HMGCS2: variants seen among roughly 807,000 people sequenced by gnomAD.
The protein encoded by HMGCS2 is 3-hydroxy-3-methylglutaryl-CoA synthase 2, also known as hydroxymethylglutaryl-CoA synthase, mitochondrial.
A neutral mutation model predicts 57.4 loss-of-function variants in HMGCS2; 50 were observed. The ratio of observed to expected loss-of-function variants is 0.87; its 90% CI spans 0.69 to 1.10. The LOEUF (loss-of-function observed/expected upper bound fraction) is 1.10, where lower values mean the gene tolerates loss of function less well. Ranked by LOEUF, HMGCS2 falls within the 50% of genes least tolerant of loss-of-function variation. The pLI is 0.00. For missense variants in HMGCS2, 627 were observed against 636.5 expected, an observed-to-expected ratio of 0.99 and a Z score of 0.16; for synonymous variants, 254 against 245.1, an observed-to-expected ratio of 1.04 and a Z score of -0.34.
At chr1:119,764,030 G>T in intron 2 of HMGCS2, 142 bp downstream of exon 2, 1 of 720,550 alleles carries the variant, frequency 1.4e-6, no homozygotes, top group Non-Finnish European at 2.5e-6. Flanking sequence ...AGTGGTTATT[G>T]TGGGATGATA....
intron 6 of HMGCS2, 132 bp from the exon 7 acceptor site, chr1:119,753,518 T>C: frequency 1.5e-6 from 1 of 658,206 alleles, no homozygotes; most frequent in South Asian, 1.9e-5. Context: ...CTTCTCCCTG[T>C]CTACCTCATG....
rs369221781 is a variant in HMGCS2 at position 119,768,774 on chromosome 1, G to A, written c.71C>T (p.Thr24Ile). Residue 24 changes from threonine to isoleucine, a missense_variant, in exon 1 of 10, where the codon ACA becomes ATA. By Grantham distance (89) the Thr-to-Ile change is moderately conservative (BLOSUM62 -1). Transcript: ENST00000369406. Reference protein sequence around the residue: ...LTRAVQETSLTPARLLPVAHQ... With the variant: ...LTRAVQETSLIPARLLPVAHQ... ...GGCTACTGGGAGCAGGCGAGCAGGT[G>A]TGAGGGAGGTTTCCTGCACCGCTCT... is the stretch of plus-strand genomic sequence containing the variant. 174 of 1,613,958 alleles carry A rather than the reference G, an allele frequency of 1.1e-4. No individual in the cohort carries two copies. The highest frequency in any genetic ancestry group is 1.4e-4 in the Non-Finnish European group (163 of 1,179,940).
At chr1:119,759,514 G>T (rs1479914157) in intron 3 of HMGCS2, 8 of 593,786 alleles carry the variant, frequency 1.3e-5, no homozygotes, top group Non-Finnish European at 2.1e-5. Flanking sequence ...ACAAAACCTA[G>T]AATAGAAGCC....
Position 119,759,930 on chromosome 1 carries a change from G to A in HMGCS2, c.619C>T (p.Pro207Ser). The change falls in exon 3 of 10, where the codon CCC (proline) becomes TCC (serine). Residue 207 changes from proline (P) to serine (S), a missense_variant. Pro to Ser is a moderately conservative substitution (Grantham distance 74). Coordinates refer to ENST00000369406, the MANE Select transcript of HMGCS2 (RefSeq NM_005518.4). Reference sequence around the variant, plus strand: ...GCCACAGCTCCGGCCCCACCTGTGGGACGAGCATTACCACTGGGATAGACG... The same window carrying A: ...GCCACAGCTCCGGCCCCACCTGTGGAACGAGCATTACCACTGGGATAGACG... ...IAVYPSGNAR[P>S]TGGAGAVAML... is the part of the protein sequence containing the mutation. The A allele has an allele frequency of 6.2e-7, 1 of 1,614,110 alleles. No individual in the cohort carries two copies. The highest frequency in any genetic ancestry group is 8.5e-7 in the Non-Finnish European group (1 of 1,179,958).
chr1:119,749,404 C>T (rs1652573491), intron 9 of HMGCS2, among the ~76,000 whole-genome samples: 1 of 149,284 alleles, frequency 6.7e-6, no homozygotes, highest in Non-Finnish European at 1.5e-5. Context: ...CCCCTCCCTC[C>T]CTATTTCTCC....
In HMGCS2 at chr1:119,752,674, C is replaced by T. The variant is rs1446564405; in HGVS notation, c.1295G>A (p.Gly432Asp). The T allele has an allele frequency of 6.2e-7, 1 of 1,614,028 alleles. No individual in the cohort carries two copies. The highest frequency in any genetic ancestry group is 2.2e-5 in the East Asian group (1 of 44,886). Residue 432 changes from glycine to aspartate, a missense_variant and splice_region_variant, in exon 8 of 10, where the codon GGC becomes GAC. Transcript: ENST00000369406. Reference protein sequence around the residue: ...SFRVSQDAAPGSPLDKLVSST... With the variant: ...SFRVSQDAAPDSPLDKLVSST... ...GGACACCAACTTGTCCAGGGGAGAG[C>T]CTGGGAAGCAAAAGCAAGATTGTTA...
chr1:119,757,198 A>C (rs1398974834), intron 5 of HMGCS2, 75 bp downstream of exon 5: 1 of 1,610,702 alleles, frequency 6.2e-7, no homozygotes, highest in Non-Finnish European at 8.5e-7. Context: ...CTGGTGGTCT[A>C]GACTTAAGGC....
rs773806829 is a variant in HMGCS2, at chr1:119,759,264, A to T, written c.704T>A (p.Met235Lys). 3.8e-5 allele frequency: 62 copies of T among 1,613,866 alleles called. No homozygotes were observed. Among genetic ancestry groups the T allele is most frequent in the Non-Finnish European group, 4.6e-5 (54 of 1,179,906 alleles). The change falls in exon 4 of 10, where the codon ATG becomes AAG. Residue 235 changes from methionine (M) to lysine (K), a missense_variant. Physicochemically the swap from Met to Lys is moderately conservative, Grantham distance 95. Coordinates refer to ENST00000369406, the MANE Select transcript of HMGCS2 (RefSeq NM_005518.4). Reference protein sequence around the residue: ...ALERGLRGTHMENVYDFYKPN... With the variant: ...ALERGLRGTHKENVYDFYKPN... ...TTTGTAGAAGTCATACACATTCTCC[A>T]TATGGGTTCCCCTCAGCCCTGGAAA...
intron 6 of HMGCS2, among the ~76,000 whole-genome samples, chr1:119,754,083 G>T (rs1331078324): frequency 6.8e-6 from 1 of 147,844 alleles, no homozygotes; most frequent in Non-Finnish European, 1.5e-5. Flanking sequence ...TTGAGACAGA[G>T]TCTCACTCTG....
intron 5 of HMGCS2, 21 bp downstream of exon 5, chr1:119,757,252 C>A (rs1411013146): frequency 1.2e-6 from 2 of 1,613,958 alleles, no homozygotes; most frequent in South Asian, 1.1e-5. Flanking sequence ...AGCCTCTAGG[C>A]TCCCCAAGAA....
chr1:119,754,499 C>G (rs982490297), intron 6 of HMGCS2, among the ~76,000 whole-genome samples: 2 of 152,164 alleles, frequency 1.3e-5, no homozygotes, highest in African/African-American at 2.4e-5. Flanking sequence ...CTTCATGAGC[C>G]CTTTCTTATG....
rs587731229 is a variant in HMGCS2 at position 119,764,158 on chromosome 1, G to A, written c.559+14C>T. 3.0e-5 allele frequency: 48 copies of A among 1,610,548 alleles called. No individual in the cohort carries two copies. Among genetic ancestry groups the A allele is most frequent in the Middle Eastern group, 2.1e-4 (1 of 4,854 alleles). The stretch of plus-strand genomic sequence containing the variant: ...CCAGCACCTTTCTTACATAAGGTTC[G>A]TGGCCGTACATACCATCCCAGGAAC... On this transcript the variant is annotated intron_variant, in intron 2 of 9. Transcript: ENST00000369406.
chr1:119,752,804 A>G (rs1239083649), intron 7 of HMGCS2, 130 bp from the exon 8 acceptor site: 26 of 985,328 alleles, frequency 2.6e-5, no homozygotes, highest in Admixed American at 2.4e-4. Context: ...TGTGTGGCTT[A>G]GAATACCAAG....
At chr1:119,768,595 G>A in intron 1 of HMGCS2, 146 bp downstream of exon 1, 1 of 691,032 alleles carries the variant, frequency 1.4e-6, no homozygotes, top group Non-Finnish European at 2.6e-6. Flanking sequence ...TGAGGTAACT[G>A]AGACCCTTTA....
intron 6 of HMGCS2, among the ~76,000 whole-genome samples, 200 bp from the exon 7 acceptor site, chr1:119,753,586 G>C (rs1223973633): frequency 1.3e-5 from 2 of 152,090 alleles, no homozygotes; most frequent in Non-Finnish European, 2.9e-5. Flanking sequence ...TAGACCCCAG[G>C]GACAGGCCTT....
At chr1:119,763,752 C>T (rs1354138746) in intron 2 of HMGCS2, among the ~76,000 whole-genome samples, 1 of 152,122 alleles carries the variant, frequency 6.6e-6, no homozygotes, top group Non-Finnish European at 1.5e-5. Context: ...GTGTTTTTTT[C>T]CCGAACATCT....
intron 4 of HMGCS2, 77 bp from the exon 5 acceptor site, chr1:119,757,515 T>C: frequency 6.2e-7 from 1 of 1,605,660 alleles, no homozygotes; most frequent in Admixed American, 1.7e-5. Context: ...GATTTAACTG[T>C]GCCGAGTTTC....
chr1:119,751,368 T>C (rs1329545875), intron 8 of HMGCS2, among the ~76,000 whole-genome samples: 2 of 149,738 alleles, frequency 1.3e-5, no homozygotes, highest in Non-Finnish European at 3.0e-5. Context: ...TTTTCTTCTT[T>C]TTTTTTTTTT....
rs1652692491 is a variant in HMGCS2, at chr1:119,752,480, C to T, written c.1420+69G>A. 10 of 1,562,986 alleles carry T rather than the reference C, an allele frequency of 6.4e-6. No individual in the cohort carries two copies. The Admixed American group carries it at 1.5e-4, about 24-fold the overall frequency. ...CCTGGACTACTAAATTCTAGATTTC[C>T]AAAGAAATCCCTGGCTCCCAGCTAC... On this transcript the variant is annotated intron_variant, in intron 8 of 9. Coordinates refer to ENST00000369406, the MANE Select transcript of HMGCS2 (RefSeq NM_005518.4).
Sources: allele counts gnomAD v4.1 joint callset (sites outside exome capture counted in the v4.1 genomes callset), GRCh38; gene constraint gnomAD v4.1.1; transcripts MANE v1.5; gene names NCBI Gene and HGNC (gene_info 2026-07-23, HGNC 2026-07-21).